INSR: variants seen among roughly 807,000 people sequenced by gnomAD.
INSR encodes the protein IR.
INSR carries 67 observed loss-of-function variants against 142.6 expected under a neutral mutation model. That is an observed-to-expected ratio of 0.47 (90% CI 0.39 to 0.58). INSR has a LOEUF of 0.58. Among genes scored for constraint, INSR ranks in the 20% least tolerant of loss-of-function variants. INSR has a pLI of 0.00. For missense variants in INSR, 1,248 were observed against 1,833.2 expected (o/e 0.68, Z 5.83); for synonymous variants, 756 against 743.1 (o/e 1.02, Z -0.28).
chr19:7,143,559 T>C (rs1417876195), intron 11 of INSR, among the ~76,000 whole-genome samples: 1 of 152,220 alleles, frequency 6.6e-6, no homozygotes, highest in Non-Finnish European at 1.5e-5. Flanking sequence ...CTTTTCCTTC[T>C]TATTGCTGCT....
chr19:7,144,592 C>T (rs779386962), intron 11 of INSR, among the ~76,000 whole-genome samples: 78 of 152,088 alleles, frequency 5.1e-4, no homozygotes, highest in Middle Eastern at 6.8e-3. Flanking sequence ...TTAGTAGAGA[C>T]GGAGTTTCGC....
intron 15 of INSR, 49 bp downstream of exon 15, chr19:7,128,803 C>T (rs911497187): frequency 1.5e-6 from 2 of 1,319,972 alleles, no homozygotes; most frequent in Middle Eastern, 1.8e-4. Flanking sequence ...CATGTTTTCC[C>T]CCAGAGAACC....
chr19:7,191,954 TAAAA>T (rs149079825), intron 2 of INSR, among the ~76,000 whole-genome samples: 12,615 of 98,848 alleles, frequency 0.13, 521 homozygotes, highest in South Asian at 0.21. Flanking sequence ...AGGAGAGAGA[TAAAA>T]AGAAAGAAGG....
chr19:7,120,631 A>G lies in INSR; in HGVS notation c.3648T>C (p.Ser1216=). 6.2e-7 allele frequency: 1 copy of G among 1,614,156 alleles called. No individual in the cohort carries two copies. Among genetic ancestry groups the G allele is most frequent in the Non-Finnish European group, 8.5e-7 (1 of 1,180,006 alleles). ...ESLKDGVFTT[S]SDMWSFGVVL... ...CACACACAACTCACCACATGTCAGAAGAAGTGGTGAAGACCCCATCCTTCA... is the reference window on the plus strand; with the variant it reads ...CACACACAACTCACCACATGTCAGAGGAAGTGGTGAAGACCCCATCCTTCA... Residue 1216 remains serine, a synonymous_variant, in exon 20 of 22, where the codon TCT becomes TCC. Coordinates refer to ENST00000302850, the MANE Select transcript of INSR (RefSeq NM_000208.4).
intron 2 of INSR, among the ~76,000 whole-genome samples, chr19:7,223,646 C>T (rs1395647925): frequency 6.6e-6 from 1 of 152,176 alleles, no homozygotes; most frequent in Non-Finnish European, 1.5e-5. Flanking sequence ...CTCCTATTCA[C>T]CCTTCAAAAC....
intron 3 of INSR, 70 bp downstream of exon 3, chr19:7,184,246 G>A (rs890149316): frequency 8.6e-5 from 118 of 1,364,778 alleles, no homozygotes; most frequent in Admixed American, 1.7e-4. Flanking sequence ...TTTAACAAGC[G>A]GCATCGTCAC....
In INSR at chr19:7,250,465, A is replaced by G. The variant is rs1335169561; in HGVS notation, c.652+16880T>C. On this transcript the variant is annotated intron_variant, in intron 2 of 21. Coordinates refer to ENST00000302850, the MANE Select transcript of INSR (RefSeq NM_000208.4). The stretch of plus-strand genomic sequence containing the variant: ...AGAAAGAAGAAAGAAAAGGAAGAAA[A>G]GAAAGAAAGAAAAGAAAGAGAAGGA... Among the ~76,000 whole-genome samples the G allele has an allele frequency of 3.9e-4, 29 of 74,794 alleles. 1 individual carries two copies. Among genetic ancestry groups the G allele is most frequent in the East Asian group, 2.2e-3 (6 of 2,742 alleles). The allele number at this position is 74,794 out of a possible 152,430, so 49.1% of individuals were successfully genotyped here.
rs1016133125 is a variant in INSR at position 7,119,731 on chromosome 19, C to T, written c.3660-148G>A. ...GCAAACACACACATGCAAACACACA[C>T]GCACATACACGTGCACACACATGCA... On this transcript the variant is annotated intron_variant, in intron 20 of 21. Coordinates refer to ENST00000302850, the MANE Select transcript of INSR (RefSeq NM_000208.4). The surrounding 1 kb of genome is among the most constrained non-coding windows in gnomAD (Gnocchi z 5.2). 3.3e-5 allele frequency: 28 copies of T among 861,058 alleles called. 1 individual carries two copies. The highest frequency in any genetic ancestry group is 1.5e-4 in the South Asian group (11 of 71,656). 53.3% of individuals were successfully genotyped at this position (861,058 alleles called of 1,614,324 possible).
In INSR at chr19:7,166,446, C is replaced by T; in HGVS notation, c.1611-42G>A. The stretch of plus-strand genomic sequence containing the variant: ...GCAGAAGGCAGTTACCCTTACAAGA[C>T]CGTCACACTGAGTGCCGTGCAGATG... On this transcript the variant is annotated intron_variant, in intron 7 of 21. Transcript: ENST00000302850. This position sits in a 1 kb window ranked among gnomAD's most constrained non-coding sequence, Gnocchi z 4.1. The T allele has an allele frequency of 6.2e-7, 1 of 1,608,058 alleles. No individual in the cohort carries two copies.
At position 7,176,863 on chromosome 19, in the gene INSR, G is replaced by T. The variant is rs983126716; in HGVS notation, c.975-2132C>A. On this transcript the variant is annotated intron_variant, in intron 3 of 21. Transcript: ENST00000302850. The stretch of plus-strand genomic sequence containing the variant: ...ATGCATGTGGTAATAAGAATGTGCC[G>T]TTACCTTGAGATGATGGGCCTGATG... Among the ~76,000 whole-genome samples the T allele has an allele frequency of 3.3e-5, 5 of 152,120 alleles. No individual in the cohort carries two copies. In the South Asian group the frequency reaches 1.0e-3, roughly 32 times the overall value.
Position 7,150,508 on chromosome 19 carries a change from G to C in INSR, c.2256C>G (p.Ala752=), listed in dbSNP as rs376497490. 2.0e-4 allele frequency: 315 copies of C among 1,614,006 alleles called. No homozygotes were observed. Among genetic ancestry groups the C allele is most frequent in the Non-Finnish European group, 2.4e-4 (287 of 1,180,006 alleles). Residue 752 remains alanine (A), a synonymous_variant, in exon 11 of 22, where the codon GCC becomes GCG. Coordinates refer to ENST00000302850, the MANE Select transcript of INSR (RefSeq NM_000208.4). The surrounding 1 kb of genome is among the most constrained non-coding windows in gnomAD (Gnocchi z 4.2). ...VPRKTSSGTG[A]EDPRPSRKRR... ...CAGGTGAGTCATACCTAGGGTCCTC[G>C]GCACCAGTGCCTGAAGAGGTTTTTC...
chr19:7,264,546 A>G (rs974271811), intron 2 of INSR, among the ~76,000 whole-genome samples: 1 of 152,226 alleles, frequency 6.6e-6, no homozygotes, highest in Admixed American at 6.5e-5. Flanking sequence ...AATAGAATAA[A>G]AGAATGTTCA....
In INSR at chr19:7,152,843, G is replaced by C; in HGVS notation, c.2114C>G (p.Ser705Trp). ...TGGACAGGAGCAGCATTCGCCGGCC[G>C]AATCCTCATACTCACTCTGGTTGTG... ...QKHNQSEYED[S>W]AGECCSCPKT... The change falls in exon 10 of 22, where the codon TCG (serine) becomes TGG (tryptophan). Residue 705 changes from serine (S) to tryptophan (W), a missense_variant. Ser to Trp is a radical substitution (Grantham distance 177). Transcript: ENST00000302850. 1 of 1,613,408 alleles carries C rather than the reference G, an allele frequency of 6.2e-7. No homozygotes were observed. Among genetic ancestry groups the C allele is most frequent in the Non-Finnish European group, 8.5e-7 (1 of 1,179,926 alleles).
chr19:7,263,659 C>G (rs1036197962), intron 2 of INSR, among the ~76,000 whole-genome samples: 7 of 152,130 alleles, frequency 4.6e-5, no homozygotes, highest in Admixed American at 4.6e-4. Flanking sequence ...GAACAGGGCT[C>G]AGTGCAGCTT....
At position 7,257,280 on chromosome 19, in the gene INSR, G is replaced by C. The variant is rs752994949; in HGVS notation, c.652+10065C>G. On this transcript the variant is annotated intron_variant, in intron 2 of 21. Transcript: ENST00000302850. ...ATCTTTTTCTTTTTGTTGGATCCCC[G>C]TGTGCAGGCGTTACACTTTCCTGTC... Among the ~76,000 whole-genome samples, 13 of 151,988 alleles carry C rather than the reference G, an allele frequency of 8.6e-5. No homozygotes were observed. In the East Asian group the frequency reaches 2.5e-3, roughly 29 times the overall value.
chr19:7,186,411 G>A (rs1267310665), intron 2 of INSR, among the ~76,000 whole-genome samples: 1 of 152,052 alleles, frequency 6.6e-6, no homozygotes, highest in East Asian at 1.9e-4. Context: ...ATCCAACATA[G>A]TAGCCACTTC....
At chr19:7,140,773 C>CTTTTT (rs34805383) in intron 13 of INSR, among the ~76,000 whole-genome samples, 1 of 139,482 alleles carries the variant, frequency 7.2e-6, no homozygotes. Flanking sequence ...ATTAACGGCC[C>CTTTTT]TTTTTTTTTT....
chr19:7,149,878 G>A lies in INSR; in HGVS notation c.2267+619C>T, dbSNP rs117849479. On this transcript the variant is annotated intron_variant, in intron 11 of 21. Transcript: ENST00000302850. ...AGGGAGGGACGGACGGAGGGAGAGA[G>A]GGAGGGAATAAAGAAAAGAAAAGAA... Among the ~76,000 whole-genome samples, 874 of 149,966 alleles carry A rather than the reference G, an allele frequency of 5.8e-3. 52 individuals carry two copies. In the East Asian group the frequency reaches 0.12, roughly 21 times the overall value.
At chr19:7,263,652 C>G (rs887582074) in intron 2 of INSR, among the ~76,000 whole-genome samples, 1 of 152,140 alleles carries the variant, frequency 6.6e-6, no homozygotes, top group African/African-American at 2.4e-5. Flanking sequence ...GTGGCATGAA[C>G]AGGGCTCAGT....
Sources: gnomAD v4.1 joint callset for allele counts (sites outside exome capture counted in the v4.1 genomes callset) on GRCh38, gnomAD v4.1.1 for gene constraint, Gnocchi (gnomAD v3.1) non-coding constraint, MANE v1.5 for transcripts, NCBI Gene and HGNC (gene_info 2026-07-23, HGNC 2026-07-21) for gene names.